Variants in SACS observed in about 807,000 individuals in gnomAD.
SACS encodes sacsin.
A neutral mutation model predicts 348.0 loss-of-function variants in SACS; 197 were observed. That is an observed-to-expected ratio of 0.57 (90% confidence interval 0.50 to 0.64). The LOEUF (loss-of-function observed/expected upper bound fraction) is 0.64. Ranked by LOEUF, SACS falls within the 30% of genes least tolerant of loss-of-function variation. The pLI is 0.00. For synonymous variants in SACS, 1,985 were observed against 1,910.6 expected (o/e 1.04, Z -1.02); for missense variants, 4,999 against 5,360.8 (o/e 0.93, Z 2.11).
chr13:23,377,393 C>T (rs1871858073), intron 2 of SACS, among the ~76,000 whole-genome samples: 1 of 152,130 alleles, frequency 6.6e-6, no homozygotes, highest in Non-Finnish European at 1.5e-5. Context: ...AATGAAAAAC[C>T]TCGGTTTTTC....
chr13:23,371,840 A>C (rs1871409111), intron 3 of SACS, among the ~76,000 whole-genome samples: 1 of 152,242 alleles, frequency 6.6e-6, no homozygotes, highest in Non-Finnish European at 1.5e-5. Flanking sequence ...AAAGAGGGAC[A>C]GGAATACAGG....
chr13:23,371,034 G>T, intron 4 of SACS, 44 bp downstream of exon 4: 1 of 1,242,614 alleles, frequency 8.0e-7, no homozygotes, highest in Non-Finnish European at 1.2e-6. Flanking sequence ...CAATCTTTGT[G>T]CAACCCAACA....
At chr13:23,369,091 G>A (rs140292841) in intron 4 of SACS, among the ~76,000 whole-genome samples, 1 of 152,294 alleles carries the variant, frequency 6.6e-6, no homozygotes, top group East Asian at 1.9e-4. Flanking sequence ...TGGTGCAGTG[G>A]GGAGGAGTGT....
intron 5 of SACS, among the ~76,000 whole-genome samples, chr13:23,365,925 T>C (rs563963515): frequency 6.6e-6 from 1 of 152,222 alleles, no homozygotes; most frequent in Non-Finnish European, 1.5e-5. Context: ...CTCCCCGTAA[T>C]GTAGAAAGGA....
At chr13:23,371,277 T>C in intron 3 of SACS, 112 bp from the exon 4 acceptor site, 1 of 491,274 alleles carries the variant, frequency 2.0e-6, no homozygotes, top group South Asian at 6.5e-5. Context: ...AGTCTTCTTA[T>C]CATGAAGGAA....
Position 23,329,240 on chromosome 13 carries a change from G to C in SACS, c.*896C>G, listed in dbSNP as rs1217880032. 2.0e-6 allele frequency: 1 copy of C among 500,832 alleles called. No homozygotes were observed. The highest frequency in any genetic ancestry group is 3.5e-5 in the East Asian group (1 of 28,870). 31.0% of individuals were successfully genotyped at this position (500,832 alleles called of 1,614,324 possible). The stretch of plus-strand genomic sequence containing the variant: ...AAAAAACTCCACTACATGCCATATT[G>C]AAAGAAAAGGTTGTTTTTTTTTTAA... On this transcript the variant is annotated 3_prime_UTR_variant, in exon 10 of 10. Transcript: ENST00000382292.
chr13:23,417,392 C>G (rs1359415071), intron 1 of SACS, among the ~76,000 whole-genome samples: 1 of 152,132 alleles, frequency 6.6e-6, no homozygotes, highest in Non-Finnish European at 1.5e-5. Context: ...AGATATTAAG[C>G]TTTAACATGA....
rs1360298758 is a variant in SACS at position 23,333,063 on chromosome 13, T to C, written c.10813A>G (p.Lys3605Glu). The change falls in exon 10 of 10, where the codon AAG becomes GAG. Residue 3605 changes from lysine to glutamate, a missense_variant. By Grantham distance (56) the Lys-to-Glu change is moderately conservative. Coordinates refer to ENST00000382292, the MANE Select transcript of SACS (RefSeq NM_014363.6). The part of the protein sequence containing the change: ...LSQQQLLQFA[K>E]EISVRANTEN... The stretch of plus-strand genomic sequence containing the variant: ...GTATTAGCCCTCACACTGATTTCCT[T>C]AGCAAACTGTAACAACTGCTGCTGA... 2 of 1,613,972 alleles carry C rather than the reference T, an allele frequency of 1.2e-6. No individual in the cohort carries two copies. The highest frequency in any genetic ancestry group is 1.1e-5 in the South Asian group (1 of 91,072).
intron 6 of SACS, among the ~76,000 whole-genome samples, chr13:23,363,892 G>A (rs1447206249): frequency 1.3e-5 from 2 of 152,140 alleles, no homozygotes; most frequent in South Asian, 2.1e-4. Context: ...TGTAGGATTA[G>A]GACTTAACCT....
intron 3 of SACS, among the ~76,000 whole-genome samples, chr13:23,372,984 C>A (rs1871490107): frequency 6.6e-6 from 1 of 152,172 alleles, no homozygotes; most frequent in Non-Finnish European, 1.5e-5. Context: ...TCTACCCACA[C>A]CCCCAATCCC....
chr13:23,350,009 C>G (rs1288647998), intron 9 of SACS, among the ~76,000 whole-genome samples: 1 of 152,166 alleles, frequency 6.6e-6, no homozygotes, highest in Non-Finnish European at 1.5e-5. Flanking sequence ...AGCCCCCACA[C>G]TAACACGTAT....
Position 23,334,432 on chromosome 13 carries a change from A to G in SACS, c.9444T>C (p.Ile3148=). Reference sequence around the variant, plus strand: ...TGAGAAGGGGCAATCCCTCAACTTCAATCTCATTTTCTTCTGCATCTTTAA... The same window carrying G: ...TGAGAAGGGGCAATCCCTCAACTTCGATCTCATTTTCTTCTGCATCTTTAA... ...YCFKDAEENE[I]EVEGLPLLIT... The change falls in exon 10 of 10, where the codon ATT becomes ATC. Residue 3148 remains isoleucine (I), a synonymous_variant. Coordinates refer to ENST00000382292, the MANE Select transcript of SACS (RefSeq NM_014363.6). 1 of 1,612,782 alleles carries G rather than the reference A, an allele frequency of 6.2e-7. No individual in the cohort carries two copies. Among genetic ancestry groups the G allele is most frequent in the Non-Finnish European group, 8.5e-7 (1 of 1,179,766 alleles).
In SACS at chr13:23,375,139, G is replaced by A. The variant is rs979224977; in HGVS notation, c.151C>T (p.Leu51=). The change falls in exon 3 of 10, where the codon CTG becomes TTG. Residue 51 remains leucine (L), a synonymous_variant. Coordinates refer to ENST00000382292, the MANE Select transcript of SACS (RefSeq NM_014363.6). ...CCTACCTCGCGGCCGCCGCGCCACA[G>A]CCGCTGCTCCGACACCGGGAAGCCA... is the stretch of plus-strand genomic sequence containing the variant. ...ETGFPVSEQR[L]WRGGRELSDW... The A allele has an allele frequency of 6.3e-5, 94 of 1,501,388 alleles. No individual in the cohort carries two copies. The East Asian group carries it at 2.7e-3, about 44-fold the overall frequency. The allele number at this position is 1,501,388 out of a possible 1,614,324, so 93.0% of individuals were successfully genotyped here. A position where few individuals can be genotyped will look rare whatever the true frequency, so the allele number is the denominator to read the frequency against.
chr13:23,343,588 G>A (rs1335916102), intron 9 of SACS, among the ~76,000 whole-genome samples: 21 of 152,198 alleles, frequency 1.4e-4, no homozygotes, highest in Admixed American at 1.4e-3. Context: ...AAGAGGCTGA[G>A]GCAGAGAACT....
At chr13:23,384,827 TTG>T (rs1423902096) in intron 2 of SACS, among the ~76,000 whole-genome samples, 1 of 152,218 alleles carries the variant, frequency 6.6e-6, no homozygotes. Context: ...TATTGAAGAT[TTG>T]GTTCCAAACC....
chr13:23,397,111 AACAG>A (rs1872738876), intron 2 of SACS, among the ~76,000 whole-genome samples: 1 of 152,292 alleles, frequency 6.6e-6, no homozygotes, highest in East Asian at 1.9e-4. Context: ...GCTGGTACAC[AACAG>A]ACAATTCACA....
At chr13:23,410,043 C>A (rs918241902) in intron 2 of SACS, among the ~76,000 whole-genome samples, 1 of 151,886 alleles carries the variant, frequency 6.6e-6, no homozygotes, top group Non-Finnish European at 1.5e-5. Flanking sequence ...AATGGGTTCA[C>A]CTTTGATTTG....
intron 9 of SACS, among the ~76,000 whole-genome samples, chr13:23,348,295 T>A (rs1293237901): frequency 2.0e-5 from 3 of 152,248 alleles, no homozygotes; most frequent in African/African-American, 4.8e-5. Context: ...CAGGCTCTAT[T>A]ATCTCATGGT....
At chr13:23,429,345 A>AGTTTT (rs1874330416) in intron 1 of SACS, among the ~76,000 whole-genome samples, 2 of 51,462 alleles carry the variant, frequency 3.9e-5, no homozygotes, top group Admixed American at 3.6e-4. Context: ...TGAGGTAGGG[A>AGTTTT]TTTTTTTTTT....
Sources: allele counts gnomAD v4.1 joint callset (sites outside exome capture counted in the v4.1 genomes callset), GRCh38; gene constraint gnomAD v4.1.1; transcripts MANE v1.5; gene names NCBI Gene and HGNC (gene_info 2026-07-23, HGNC 2026-07-21).